Variants in TSPEAR observed in about 807,000 individuals in gnomAD.
TSPEAR encodes thrombospondin-type laminin G domain and EAR repeat-containing protein.
Under a neutral mutation model 71.6 loss-of-function variants are expected in TSPEAR, and 69 were observed. The observed-to-expected ratio is 0.96, with a 90% confidence interval of 0.79 to 1.18. The LOEUF is 1.18. Among genes scored for constraint, TSPEAR ranks in the 50% most tolerant of loss-of-function variants. The pLI is 0.00. For synonymous variants in TSPEAR, 402 were observed against 387.2 expected, an observed-to-expected ratio of 1.04 and a Z score of -0.45; for missense variants, 971 against 894.9, an observed-to-expected ratio of 1.09 and a Z score of -1.09.
chr21:44,572,428 T>G (rs1456115080), intron 1 of TSPEAR, among the ~76,000 whole-genome samples: 1 of 152,072 alleles, frequency 6.6e-6, no homozygotes, highest in African/African-American at 2.4e-5. Flanking sequence ...ACCCCGCTTT[T>G]CAGCCACTAT....
At chr21:44,688,883 C>A (rs146684706) in intron 1 of TSPEAR, among the ~76,000 whole-genome samples, 384 of 152,234 alleles carry the variant, frequency 2.5e-3, no homozygotes, top group African/African-American at 8.8e-3. Flanking sequence ...GCATGTCACC[C>A]CCTGGCCAGG....
In TSPEAR at chr21:44,550,242, C is replaced by T. The variant is rs587606821; in HGVS notation, c.304-16319G>A. On this transcript the variant is annotated intron_variant, in intron 2 of 11. Transcript: ENST00000323084. ...TTCCAGGTGTCACACAAGAGCCCCC[C>T]GGGGCCCCCAGCTGGGGAAGTAAAG... 19 of 219,760 alleles carry T rather than the reference C, an allele frequency of 8.6e-5. No individual in the cohort carries two copies. The South Asian group carries it at 1.3e-3, about 15-fold the overall frequency. The allele number at this position is 219,760 out of a possible 1,614,324, so 13.6% of individuals were successfully genotyped here.
Position 44,549,532 on chromosome 21 carries a change from G to A in TSPEAR, c.304-15609C>T, listed in dbSNP as rs191985928. On this transcript the variant is annotated intron_variant, in intron 2 of 11. Transcript: ENST00000323084. ...ACCCGGACAAAAAAAAGAATAATGT[G>A]TGCCCCCCGCATTGTGATTGTATAG... is the stretch of plus-strand genomic sequence containing the variant. Among the ~76,000 whole-genome samples the A allele has an allele frequency of 1.1e-3, 161 of 152,312 alleles. No homozygotes were observed. The Middle Eastern group carries it at 0.014, about 13-fold the overall frequency.
At chr21:44,551,051 G>A (rs2053416954) in intron 2 of TSPEAR, 1 of 1,612,010 alleles carries the variant, frequency 6.2e-7, no homozygotes, top group Non-Finnish European at 8.5e-7. Context: ...AGGACTGCTG[G>A]CAGGAGGAAG....
chr21:44,577,604 G>T (rs1208800482), intron 1 of TSPEAR, among the ~76,000 whole-genome samples: 9 of 152,158 alleles, frequency 5.9e-5, no homozygotes, highest in Non-Finnish European at 1.2e-4. Flanking sequence ...CACTCATGAG[G>T]GAACCGTCCC....
At chr21:44,503,413 G>T (rs1212735838) in intron 11 of TSPEAR, among the ~76,000 whole-genome samples, 1 of 132,408 alleles carries the variant, frequency 7.6e-6, no homozygotes, top group East Asian at 2.4e-4. Flanking sequence ...GGAGGAGGCC[G>T]GAGTTGGTGA....
rs782697445 is a variant in TSPEAR at position 44,637,579 on chromosome 21, G to T, written c.83-69574C>A. The T allele has an allele frequency of 2.3e-5, 37 of 1,613,812 alleles. 1 individual carries two copies. In the South Asian group the frequency reaches 3.4e-4, roughly 15 times the overall value. ...GCTGTGTGTCCAGCCCCTGCTGCCA[G>T]ACGGCCTGTGAGCCCAGCGCCTGCC... On this transcript the variant is annotated intron_variant, in intron 1 of 11. Coordinates refer to ENST00000323084, the MANE Select transcript of TSPEAR (RefSeq NM_144991.3).
At chr21:44,652,178 T>A (rs1984844551) in intron 1 of TSPEAR, among the ~76,000 whole-genome samples, 1 of 152,022 alleles carries the variant, frequency 6.6e-6, no homozygotes, top group Non-Finnish European at 1.5e-5. Flanking sequence ...AGAGACGGGG[T>A]TTCACTGTGT....
At chr21:44,638,689 G>A (rs932318117) in intron 1 of TSPEAR, among the ~76,000 whole-genome samples, 16 of 151,848 alleles carry the variant, frequency 1.1e-4, no homozygotes, top group Non-Finnish European at 2.2e-4. Flanking sequence ...TAGCCCCGTG[G>A]GCCCCCAACC....
intron 1 of TSPEAR, chr21:44,579,716 G>A (rs782280913): frequency 1.9e-6 from 3 of 1,580,980 alleles, no homozygotes; most frequent in African/African-American, 1.3e-5. Flanking sequence ...AGTTGGCCCT[G>A]GGGGATGTGC....
intron 8 of TSPEAR, among the ~76,000 whole-genome samples, chr21:44,524,174 G>C (rs1249918308): frequency 2.0e-5 from 3 of 151,508 alleles, no homozygotes; most frequent in Non-Finnish European, 4.4e-5. Context: ...TAGGTAATCA[G>C]TCAGTCAGAC....
chr21:44,627,097 A>C (rs1982842188), intron 1 of TSPEAR: 2 of 1,564,250 alleles, frequency 1.3e-6, no homozygotes, highest in Middle Eastern at 2.3e-4. Flanking sequence ...AACCTCACAC[A>C]CTCACAAACT....
chr21:44,601,744 T>C, intron 1 of TSPEAR: 1 of 1,602,838 alleles, frequency 6.2e-7, no homozygotes, highest in Non-Finnish European at 8.5e-7. Context: ...AGTGATCTCC[T>C]TAAGATCATC....
At chr21:44,505,379 T>C (rs1251994165) in intron 10 of TSPEAR, among the ~76,000 whole-genome samples, 1 of 152,060 alleles carries the variant, frequency 6.6e-6, no homozygotes, top group Non-Finnish European at 1.5e-5. Flanking sequence ...ATGCCTGGCC[T>C]CAAATTTTAA....
intron 1 of TSPEAR, chr21:44,575,485 C>T (rs765416572): frequency 2.3e-5 from 4 of 174,200 alleles, no homozygotes; most frequent in South Asian, 1.4e-4. Context: ...TGCCCAGGGG[C>T]GTGTGGTTCC....
chr21:44,528,726 C>T (rs1446387239), intron 5 of TSPEAR, 143 bp from the exon 6 acceptor site: 1 of 1,077,520 alleles, frequency 9.3e-7, no homozygotes. Context: ...CACCTTGGCA[C>T]AAGCCTGCCA....
chr21:44,641,875 T>A (rs1397809838), intron 1 of TSPEAR, among the ~76,000 whole-genome samples: 1 of 152,186 alleles, frequency 6.6e-6, no homozygotes, highest in African/African-American at 2.4e-5. Flanking sequence ...ACAACAGGGA[T>A]CCGGAAAATT....
chr21:44,539,485 G>A (rs1555916842), intron 2 of TSPEAR: 3 of 1,613,852 alleles, frequency 1.9e-6, no homozygotes, highest in Non-Finnish European at 2.5e-6. Flanking sequence ...AGCAGGAGGT[G>A]GTGCAGCAAG....
chr21:44,676,777 T>C, intron 1 of TSPEAR: 1 of 857,026 alleles, frequency 1.2e-6, no homozygotes. Context: ...ACTTCCATGA[T>C]GTTCTAATGC....
Sources: gnomAD v4.1 joint callset for allele counts (sites outside exome capture counted in the v4.1 genomes callset) on GRCh38, gnomAD v4.1.1 for gene constraint, MANE v1.5 for transcripts, NCBI Gene and HGNC (gene_info 2026-07-23, HGNC 2026-07-21) for gene names.